VWC2: variants seen among roughly 807,000 people sequenced by gnomAD.
VWC2 encodes von Willebrand factor C domain containing 2.
A neutral mutation model predicts 29.8 loss-of-function variants in VWC2; 14 were observed. The observed-to-expected ratio is 0.47, with a 90% CI of 0.31 to 0.74. The LOEUF is 0.74. Among genes scored for constraint, VWC2 ranks in the 30% least tolerant of loss-of-function variants. VWC2 has a pLI of 0.05. For synonymous variants in VWC2, 213 were observed against 199.0 expected (o/e 1.07, Z -0.59); for missense variants, 457 against 459.8 (o/e 0.99, Z 0.05).
chr7:49,792,511 A>C (rs1283527910), intron 2 of VWC2, among the ~76,000 whole-genome samples: 1 of 152,192 alleles, frequency 6.6e-6, no homozygotes, highest in East Asian at 1.9e-4. Context: ...TCCCCTTTTT[A>C]ACATGAGGAC....
chr7:49,879,504 A>G (rs570006800), intron 3 of VWC2, among the ~76,000 whole-genome samples: 125 of 152,276 alleles, frequency 8.2e-4, no homozygotes, highest in African/African-American at 3.0e-3. Flanking sequence ...AATAGAATGC[A>G]GAATCACCAA....
chr7:49,778,325 A>T (rs1788095485), intron 2 of VWC2, among the ~76,000 whole-genome samples: 1 of 152,190 alleles, frequency 6.6e-6, no homozygotes, highest in Non-Finnish European at 1.5e-5. Context: ...CAGTAAAGCT[A>T]TTTTTGGAAT....
chr7:49,884,133 G>A (rs750921909), intron 3 of VWC2, among the ~76,000 whole-genome samples: 1 of 152,222 alleles, frequency 6.6e-6, no homozygotes, highest in Non-Finnish European at 1.5e-5. Context: ...TTCCTGCAGT[G>A]GCCCCTGAAG....
chr7:49,886,767 A>C (rs1466870551), intron 3 of VWC2, among the ~76,000 whole-genome samples: 1 of 152,142 alleles, frequency 6.6e-6, no homozygotes, highest in Non-Finnish European at 1.5e-5. Flanking sequence ...AGCCTTTCTG[A>C]ATTTTTATTT....
chr7:49,852,726 G>A (rs1274387247), intron 3 of VWC2, among the ~76,000 whole-genome samples: 1 of 152,100 alleles, frequency 6.6e-6, no homozygotes, highest in Admixed American at 6.5e-5. Flanking sequence ...CAAAATCTGC[G>A]GGATTTAAGT....
At chr7:49,793,272 A>G (rs1431854521) in intron 2 of VWC2, among the ~76,000 whole-genome samples, 1 of 152,154 alleles carries the variant, frequency 6.6e-6, no homozygotes, top group Non-Finnish European at 1.5e-5. Flanking sequence ...TGCCTAAATA[A>G]TATTCAGACT....
intron 3 of VWC2, among the ~76,000 whole-genome samples, chr7:49,910,388 C>T (rs13236056): frequency 0.16 from 24,646 of 152,112 alleles, 2,314 homozygotes; most frequent in African/African-American, 0.25. Context: ...TAATTAAACA[C>T]ATTTTGGTTG....
At chr7:49,836,777 G>A in intron 3 of VWC2, among the ~76,000 whole-genome samples, 1 of 152,138 alleles carries the variant, frequency 6.6e-6, no homozygotes, top group East Asian at 1.9e-4. Context: ...AAATAATATA[G>A]ATACATTACA....
At chr7:49,898,309 C>T (rs533038395) in intron 3 of VWC2, among the ~76,000 whole-genome samples, 9 of 150,440 alleles carry the variant, frequency 6.0e-5, no homozygotes, top group South Asian at 4.2e-4. Context: ...AAGAAAACAT[C>T]GAAGTTTTTT....
intron 3 of VWC2, among the ~76,000 whole-genome samples, chr7:49,803,360 G>T (rs1485761956): frequency 6.6e-6 from 1 of 152,194 alleles, no homozygotes; most frequent in East Asian, 1.9e-4. Flanking sequence ...AATTTGTCAT[G>T]GGAGAGTGTT....
intron 3 of VWC2, among the ~76,000 whole-genome samples, chr7:49,877,042 C>T (rs1791440738): frequency 6.6e-6 from 1 of 152,106 alleles, no homozygotes; most frequent in African/African-American, 2.4e-5. Context: ...CGTCAGTCTC[C>T]TCCAGATTAC....
At chr7:49,852,210 T>C (rs1475703219) in intron 3 of VWC2, among the ~76,000 whole-genome samples, 1 of 152,168 alleles carries the variant, frequency 6.6e-6, no homozygotes, top group Non-Finnish European at 1.5e-5. Context: ...ATGGCCTGCA[T>C]CAAAAGTCCA....
chr7:49,901,544 G>T (rs913985628), intron 3 of VWC2, among the ~76,000 whole-genome samples: 5 of 151,606 alleles, frequency 3.3e-5, no homozygotes, highest in Admixed American at 6.6e-5. Flanking sequence ...AATTATGATA[G>T]AAAAAATCAT....
Position 49,913,053 on chromosome 7 carries a change from A to C in VWC2, c.*868A>C, listed in dbSNP as rs1258019017. ...CTCCTAGGATAGTTAAGGAAAATCA[A>C]ACTCCTAAACAAGTTTATATACCTG... On this transcript the variant is annotated 3_prime_UTR_variant, in exon 4 of 4. Transcript: ENST00000340652. 2.0e-5 allele frequency: 3 copies of C among 152,176 alleles called. No individual in the cohort carries two copies. The highest frequency in any genetic ancestry group is 2.9e-5 in the Non-Finnish European group (2 of 68,030). The allele number at this position is 152,176 out of a possible 1,614,324, so 9.4% of individuals were successfully genotyped here. A position where few individuals can be genotyped will look rare whatever the true frequency, so the allele number is the denominator to read the frequency against.
chr7:49,809,556 A>C (rs994738743), intron 3 of VWC2, among the ~76,000 whole-genome samples: 1 of 152,024 alleles, frequency 6.6e-6, no homozygotes, highest in Non-Finnish European at 1.5e-5. Flanking sequence ...GTAGACAAAA[A>C]CACCCCACAA....
At chr7:49,815,020 G>T (rs147307994) in intron 3 of VWC2, among the ~76,000 whole-genome samples, 172 of 152,244 alleles carry the variant, frequency 1.1e-3, no homozygotes, top group Non-Finnish European at 1.8e-3. Flanking sequence ...ACCATGTTTT[G>T]TTGGACCCTT....
rs1435015217 is a variant in VWC2, at chr7:49,915,247, A to G, written c.*3062A>G. ...AGAAGTATTAGATGCACTCCAGTCC[A>G]GGCAAGTCCTGCTATAATGTTGCAG... On this transcript the variant is annotated 3_prime_UTR_variant, in exon 4 of 4. Coordinates refer to ENST00000340652, the MANE Select transcript of VWC2 (RefSeq NM_198570.5). The G allele has an allele frequency of 1.3e-5, 2 of 152,226 alleles. No homozygotes were observed. Among genetic ancestry groups the G allele is most frequent in the African/African-American group, 4.8e-5 (2 of 41,460 alleles). 9.4% of individuals were successfully genotyped at this position (152,226 alleles called of 1,614,324 possible). A position where few individuals can be genotyped will look rare whatever the true frequency, so the allele number is the denominator to read the frequency against.
rs552311230 is a variant in VWC2 at position 49,851,420 on chromosome 7, C to T, written c.826+48580C>T. Among the ~76,000 whole-genome samples, 18 of 152,326 alleles carry T rather than the reference C, an allele frequency of 1.2e-4. No homozygotes were observed. The South Asian group carries it at 3.1e-3, about 26-fold the overall frequency. ...ACACCAGAGCCTGGCTCATAGCAGACGGGCACTTAAGGATGTCTGCCCACA... is the reference window on the plus strand; with the variant it reads ...ACACCAGAGCCTGGCTCATAGCAGATGGGCACTTAAGGATGTCTGCCCACA... On this transcript the variant is annotated intron_variant, in intron 3 of 3. Transcript: ENST00000340652.
intron 3 of VWC2, among the ~76,000 whole-genome samples, chr7:49,810,456 T>C (rs1274017842): frequency 6.6e-6 from 1 of 152,174 alleles, no homozygotes; most frequent in Non-Finnish European, 1.5e-5. Context: ...ATGTTAGTTC[T>C]TCCCAAATTA....
Sources: allele counts gnomAD v4.1 joint callset (sites outside exome capture counted in the v4.1 genomes callset), GRCh38; gene constraint gnomAD v4.1.1; transcripts MANE v1.5; gene names NCBI Gene and HGNC (gene_info 2026-07-23, HGNC 2026-07-21).